Variants in IL7 observed in about 807,000 individuals in gnomAD.
The protein encoded by IL7 is interleukin-7.
A neutral mutation model predicts 21.6 loss-of-function variants in IL7; 3 were observed. That is an observed-to-expected ratio of 0.14 (90% CI 0.06 to 0.36). IL7 has a LOEUF of 0.36. Ranked by LOEUF, IL7 falls within the 10% of genes least tolerant of loss-of-function variation. The pLI is 1.00. For missense variants in IL7, 175 were observed against 200.2 expected, an observed-to-expected ratio of 0.87 and a Z score of 0.76; for synonymous variants, 62 against 68.1, an observed-to-expected ratio of 0.91 and a Z score of 0.44.
chr8:78,716,747 A>C (rs1280982864), downstream of IL7, among the ~76,000 whole-genome samples: 1 of 152,150 alleles, frequency 6.6e-6, no homozygotes, highest in African/African-American at 2.4e-5. Flanking sequence ...CCCAAATCTC[A>C]TGTCAAATTG....
chr8:78,677,234 G>T (rs1809610357), intron 4 of IL7, among the ~76,000 whole-genome samples: 1 of 152,062 alleles, frequency 6.6e-6, no homozygotes, highest in African/African-American at 2.4e-5. Flanking sequence ...CAATCATCAT[G>T]CTTAATATAG....
intron 2 of IL7, among the ~76,000 whole-genome samples, chr8:78,740,843 G>A (rs1164485995): frequency 2.6e-5 from 4 of 152,120 alleles, no homozygotes; most frequent in Non-Finnish European, 5.9e-5. Flanking sequence ...ATAGGAGTGA[G>A]AAAGCAGACT....
At position 78,794,344 on chromosome 8, in the gene IL7, A is replaced by T. The variant is rs577747509; in HGVS notation, c.147+3728T>A. On this transcript the variant is annotated intron_variant, in intron 2 of 5. Transcript: ENST00000263851. ...CTTTGATTCACGGGCTGAAAAACAG[A>T]TGTTATATTAGCAGTTATGAAAACA... Among the ~76,000 whole-genome samples the T allele has an allele frequency of 3.3e-5, 5 of 152,244 alleles. No individual in the cohort carries two copies. In the South Asian group the frequency reaches 1.0e-3, roughly 32 times the overall value.
chr8:78,704,594 G>A (rs760432452), intron 3 of IL7, among the ~76,000 whole-genome samples: 44 of 152,098 alleles, frequency 2.9e-4, no homozygotes, highest in Non-Finnish European at 5.6e-4. Context: ...ATCATCTCAT[G>A]AGTATCTTAC....
At chr8:78,717,353 C>G (rs751109108), downstream of IL7, 14 of 1,609,746 alleles carry the variant, frequency 8.7e-6, no homozygotes, top group Non-Finnish European at 1.1e-5. Context: ...TGCATCTTCC[C>G]TTAATGGTGG....
At chr8:78,700,813 T>C (rs1012714345) in intron 3 of IL7, among the ~76,000 whole-genome samples, 2 of 152,172 alleles carry the variant, frequency 1.3e-5, no homozygotes, top group Non-Finnish European at 2.9e-5. Context: ...CAGATAGTAG[T>C]AGGTGTGTGG....
chr8:78,737,173 T>G (rs1202847880), intron 4 of IL7, among the ~76,000 whole-genome samples: 8 of 152,120 alleles, frequency 5.3e-5, no homozygotes, highest in African/African-American at 1.7e-4. Context: ...ATCACAAATA[T>G]ATAACATACC....
intron 3 of IL7, among the ~76,000 whole-genome samples, chr8:78,703,751 CT>C (rs1810682140): frequency 6.6e-6 from 1 of 152,082 alleles, no homozygotes; most frequent in African/African-American, 2.4e-5. Flanking sequence ...CACTCTGTGT[CT>C]TTTAATTGGG....
At chr8:78,793,106 G>A (rs970668274) in intron 2 of IL7, among the ~76,000 whole-genome samples, 1 of 151,930 alleles carries the variant, frequency 6.6e-6, no homozygotes, top group South Asian at 2.1e-4. Flanking sequence ...ATTATACTAA[G>A]GCAAACAAGA....
downstream of IL7, among the ~76,000 whole-genome samples, chr8:78,716,657 A>T (rs890252342): frequency 6.6e-6 from 1 of 152,140 alleles, no homozygotes; most frequent in African/African-American, 2.4e-5. Flanking sequence ...GACATCATAA[A>T]TGTTCATTCT....
intron 3 of IL7, among the ~76,000 whole-genome samples, chr8:78,726,461 A>G (rs938594854): frequency 6.6e-6 from 1 of 152,026 alleles, no homozygotes; most frequent in Non-Finnish European, 1.5e-5. Flanking sequence ...GAGGCCATTC[A>G]TATGACTTTG....
intron 3 of IL7, among the ~76,000 whole-genome samples, chr8:78,700,884 G>C (rs1388291284): frequency 6.6e-6 from 1 of 152,096 alleles, no homozygotes; most frequent in South Asian, 2.1e-4. Context: ...ATGCTGTTTT[G>C]ATTACTGTAG....
chr8:78,764,058 A>G (rs1812669115), intron 2 of IL7, among the ~76,000 whole-genome samples: 1 of 152,178 alleles, frequency 6.6e-6, no homozygotes, highest in African/African-American at 2.4e-5. Flanking sequence ...ATATTGTTTA[A>G]TCTAATCCAT....
At chr8:78,776,202 T>C (rs1320973993) in intron 2 of IL7, among the ~76,000 whole-genome samples, 1 of 152,040 alleles carries the variant, frequency 6.6e-6, no homozygotes, top group African/African-American at 2.4e-5. Flanking sequence ...GACTTGAACA[T>C]AAGCACTGAG....
chr8:78,683,856 T>C (rs1809868266), intron 4 of IL7, among the ~76,000 whole-genome samples: 1 of 152,210 alleles, frequency 6.6e-6, no homozygotes, highest in African/African-American at 2.4e-5. Flanking sequence ...AAATCATCTT[T>C]CCCAAGTTTA....
At position 78,736,487 on chromosome 8, in the gene IL7, G is replaced by T; in HGVS notation, c.401C>A (p.Pro134Gln). 2.5e-6 allele frequency: 4 copies of T among 1,600,594 alleles called. No homozygotes were observed. Among genetic ancestry groups the T allele is most frequent in the Non-Finnish European group, 3.4e-6 (4 of 1,170,702 alleles). ...AATTATTCTCACCAAACTCTTTGTT[G>T]GTTGGGCTTCACCCAGGGCAGCTGG... ...RKPAALGEAQ[P>Q]TKSLEENKSL... The change falls in exon 5 of 6, where the codon CCA becomes CAA. Residue 134 changes from proline to glutamine, a missense_variant. By Grantham distance (76) the Pro-to-Gln change is moderately conservative. Transcript: ENST00000263851.
intron 2 of IL7, among the ~76,000 whole-genome samples, chr8:78,752,004 T>C (rs1025739090): frequency 1.3e-5 from 2 of 152,312 alleles, no homozygotes; most frequent in South Asian, 2.1e-4. Flanking sequence ...CTCCCACATA[T>C]AAATGACAGC....
chr8:78,775,274 T>C (rs995879972), intron 2 of IL7, among the ~76,000 whole-genome samples: 18 of 152,238 alleles, frequency 1.2e-4, no homozygotes, highest in African/African-American at 4.3e-4. Context: ...ATACACACAC[T>C]GCATAACTAT....
intron 3 of IL7, among the ~76,000 whole-genome samples, chr8:78,708,493 C>T (rs751114600): frequency 1.3e-5 from 2 of 151,710 alleles, no homozygotes; most frequent in African/African-American, 4.8e-5. Flanking sequence ...GCCTGGGCAA[C>T]ATAGTAAGAA....
Sources: gnomAD v4.1 joint callset for allele counts (sites outside exome capture counted in the v4.1 genomes callset) on GRCh38, gnomAD v4.1.1 for gene constraint, MANE v1.5 for transcripts, NCBI Gene and HGNC (gene_info 2026-07-23, HGNC 2026-07-21) for gene names.